Variants in PDE3A observed in about 807,000 individuals in gnomAD.
PDE3A encodes the protein cGMP-inhibited 3',5'-cyclic phosphodiesterase 3A.
A neutral mutation model predicts 98.3 loss-of-function variants in PDE3A; 43 were observed. The ratio of observed to expected loss-of-function variants is 0.44; its 90% CI spans 0.34 to 0.56. PDE3A has a LOEUF of 0.56. Ranked by LOEUF, PDE3A falls within the 20% of genes least tolerant of loss-of-function variation. The pLI is 0.01. For synonymous variants in PDE3A, 663 were observed against 567.9 expected (o/e 1.17, Z -2.38); for missense variants, 1,427 against 1,440.7 (o/e 0.99, Z 0.15).
At chr12:20,564,988 G>C (rs576494400) in intron 2 of PDE3A, among the ~76,000 whole-genome samples, 2 of 152,030 alleles carry the variant, frequency 1.3e-5, no homozygotes, top group Non-Finnish European at 2.9e-5. Context: ...GATAGTTTAA[G>C]CAATAGTTAA....
chr12:20,538,388 C>T (rs1941805597), intron 1 of PDE3A, among the ~76,000 whole-genome samples: 1 of 152,098 alleles, frequency 6.6e-6, no homozygotes, highest in African/African-American at 2.4e-5. Flanking sequence ...AAGAGACAAG[C>T]TAGCTGAGTT....
At chr12:20,461,642 A>G (rs1351083280) in intron 1 of PDE3A, among the ~76,000 whole-genome samples, 1 of 152,166 alleles carries the variant, frequency 6.6e-6, no homozygotes, top group African/African-American at 2.4e-5. Context: ...TAGGTAATGT[A>G]TATTAAGCTT....
chr12:20,590,146 T>C (rs1331893208), intron 2 of PDE3A, among the ~76,000 whole-genome samples: 4 of 151,976 alleles, frequency 2.6e-5, no homozygotes, highest in Non-Finnish European at 5.9e-5. Context: ...GTGCTCCAAA[T>C]GCATAATGCA....
At chr12:20,426,915 T>G (rs1050388835) in intron 1 of PDE3A, among the ~76,000 whole-genome samples, 14 of 152,166 alleles carry the variant, frequency 9.2e-5, no homozygotes, top group African/African-American at 2.9e-4. Flanking sequence ...TCATTAAAAT[T>G]TTAGGGCTGT....
At chr12:20,643,985 A>G (rs1258942625) in intron 10 of PDE3A, among the ~76,000 whole-genome samples, 1 of 152,152 alleles carries the variant, frequency 6.6e-6, no homozygotes, top group Non-Finnish European at 1.5e-5. Flanking sequence ...AGGCTCTGCC[A>G]ACACTGTGAT....
intron 2 of PDE3A, among the ~76,000 whole-genome samples, chr12:20,612,466 T>C (rs1490982603): frequency 6.6e-6 from 1 of 151,362 alleles, no homozygotes; most frequent in Admixed American, 6.6e-5. Flanking sequence ...ACATTAGGAA[T>C]ATCCTTGGCA....
chr12:20,386,309 A>T (rs1943803389), intron 1 of PDE3A, among the ~76,000 whole-genome samples: 2 of 141,472 alleles, frequency 1.4e-5, no homozygotes, highest in Admixed American at 7.6e-5. Flanking sequence ...AAAAAATACT[A>T]AAAAAAAATT....
At chr12:20,475,278 C>G (rs937073470) in intron 1 of PDE3A, among the ~76,000 whole-genome samples, 7 of 151,158 alleles carry the variant, frequency 4.6e-5, no homozygotes, top group Non-Finnish European at 2.9e-5. Context: ...AAATCGGTAG[C>G]ATGTCCAAGC....
chr12:20,512,180 G>A (rs148124969), intron 1 of PDE3A, among the ~76,000 whole-genome samples: 13 of 151,782 alleles, frequency 8.6e-5, no homozygotes, highest in South Asian at 6.2e-4. Context: ...GTAATAATAC[G>A]TCGCTATTGG....
At chr12:20,379,898 TA>T (rs1565530343) in intron 1 of PDE3A, among the ~76,000 whole-genome samples, 1 of 151,950 alleles carries the variant, frequency 6.6e-6, no homozygotes, top group Non-Finnish European at 1.5e-5. Context: ...TAATTATTTT[TA>T]GCTCACTCTC....
intron 1 of PDE3A, among the ~76,000 whole-genome samples, chr12:20,443,432 A>G (rs1470694789): frequency 6.6e-6 from 1 of 152,182 alleles, no homozygotes; most frequent in Non-Finnish European, 1.5e-5. Flanking sequence ...TATTTGGGTA[A>G]TACCTCATTT....
chr12:20,492,014 C>T (rs1219179641), intron 1 of PDE3A, among the ~76,000 whole-genome samples: 2 of 152,006 alleles, frequency 1.3e-5, no homozygotes, highest in Admixed American at 6.6e-5. Context: ...AGAGTCTCGC[C>T]GTGTTGCCCA....
chr12:20,427,484 C>G (rs996776133), intron 1 of PDE3A, among the ~76,000 whole-genome samples: 1 of 152,068 alleles, frequency 6.6e-6, no homozygotes, highest in Non-Finnish European at 1.5e-5. Context: ...TTGAAATAAG[C>G]TGTACTTATG....
At chr12:20,574,662 A>G (rs1393051671) in intron 2 of PDE3A, among the ~76,000 whole-genome samples, 3 of 151,980 alleles carry the variant, frequency 2.0e-5, no homozygotes, top group Non-Finnish European at 1.5e-5. Context: ...ATCATGCTAT[A>G]CAAGTATGCT....
At chr12:20,646,643 G>T in intron 11 of PDE3A, 40 bp downstream of exon 11, 1 of 1,391,222 alleles carries the variant, frequency 7.2e-7, no homozygotes, top group South Asian at 1.2e-5. Context: ...ATGAAAGATG[G>T]GAACAAGGGT....
chr12:20,488,049 G>A (rs554975606), intron 1 of PDE3A, among the ~76,000 whole-genome samples: 2 of 152,072 alleles, frequency 1.3e-5, no homozygotes, highest in South Asian at 4.2e-4. Flanking sequence ...TATCTATAGC[G>A]TTACCCAGGA....
At chr12:20,526,286 A>G (rs1166550659) in intron 1 of PDE3A, among the ~76,000 whole-genome samples, 1 of 152,154 alleles carries the variant, frequency 6.6e-6, no homozygotes, top group Non-Finnish European at 1.5e-5. Flanking sequence ...CAACTCTGTA[A>G]GTATCTTTTT....
chr12:20,578,121 T>C (rs910655274), intron 2 of PDE3A, among the ~76,000 whole-genome samples: 6 of 152,096 alleles, frequency 3.9e-5, no homozygotes, highest in African/African-American at 1.4e-4. Flanking sequence ...TCTCTAGGAG[T>C]TTCACACTAT....
intron 1 of PDE3A, among the ~76,000 whole-genome samples, chr12:20,491,139 T>C (rs990186634): frequency 6.6e-6 from 1 of 152,198 alleles, no homozygotes; most frequent in Non-Finnish European, 1.5e-5. Flanking sequence ...AGAAGATCAA[T>C]ATGTTACCAA....
Sources: allele counts gnomAD v4.1 joint callset (sites outside exome capture counted in the v4.1 genomes callset), GRCh38; gene constraint gnomAD v4.1.1; transcripts MANE v1.5; gene names NCBI Gene and HGNC (gene_info 2026-07-23, HGNC 2026-07-21).